STAT2: variants seen among roughly 807,000 people sequenced by gnomAD.
The protein encoded by STAT2 is interferon alpha induced transcriptional activator.
A neutral mutation model predicts 122.3 loss-of-function variants in STAT2; 51 were observed. The observed-to-expected ratio is 0.42, with a 90% CI of 0.33 to 0.53. The LOEUF (loss-of-function observed/expected upper bound fraction) is 0.53. STAT2 is among the 20% of genes least tolerant of loss of function. STAT2 has a pLI of 0.10. For missense variants in STAT2, 736 were observed against 1,010.3 expected, an observed-to-expected ratio of 0.73 and a Z score of 3.68; for synonymous variants, 351 against 394.9, an observed-to-expected ratio of 0.89 and a Z score of 1.32.
chr12:56,354,699 G>A (rs937025649), intron 7 of STAT2, 79 bp downstream of exon 7: 2 of 1,612,752 alleles, frequency 1.2e-6, no homozygotes, highest in Middle Eastern at 1.7e-4. Flanking sequence ...AAAGAAGCCA[G>A]CGCTAGAGGA....
intron 8 of STAT2, 109 bp from the exon 9 acceptor site, chr12:56,351,559 G>T: frequency 2.6e-6 from 3 of 1,171,826 alleles, no homozygotes; most frequent in South Asian, 1.6e-5. Flanking sequence ...TGACTGGGGG[G>T]AAGAAAAAAA....
At chr12:56,346,719 A>C (rs1877518700) in intron 20 of STAT2, 95 bp from the exon 21 acceptor site, 1 of 1,602,300 alleles carries the variant, frequency 6.2e-7, no homozygotes, top group Non-Finnish European at 8.5e-7. Context: ...CAGCTGAGGG[A>C]TTCAGTTCAG....
chr12:56,353,023 A>G (rs1018564958), intron 8 of STAT2, among the ~76,000 whole-genome samples: 1 of 148,186 alleles, frequency 6.7e-6, no homozygotes, highest in African/African-American at 2.5e-5. Flanking sequence ...TCGCTCTGTC[A>G]CCCAGGCTGG....
At position 56,349,034 on chromosome 12, in the gene STAT2, G is replaced by A. The variant is rs138681270; in HGVS notation, c.1466C>T (p.Pro489Leu). Reference sequence around the variant, plus strand: ...GCCCAGCAAGCTCCAGGGGGCCTTGGGGGGGTTGGAGAAGAACTGCTGGTT... The same window carrying A: ...GCCCAGCAAGCTCCAGGGGGCCTTGAGGGGGTTGGAGAAGAACTGCTGGTT... Reference protein sequence around the residue: ...LQNQQFFSNPPKAPWSLLGPA... With the variant: ...LQNQQFFSNPLKAPWSLLGPA... The change falls in exon 17 of 24, where the codon CCC (proline) becomes CTC (leucine). Residue 489 changes from proline to leucine, a missense_variant. Physicochemically the swap from Pro to Leu is moderately conservative, Grantham distance 98. Coordinates refer to ENST00000314128, the MANE Select transcript of STAT2 (RefSeq NM_005419.4). 1.9e-4 allele frequency: 311 copies of A among 1,613,662 alleles called. 1 individual carries two copies. The Middle Eastern group carries it at 5.9e-3, about 31-fold the overall frequency.
chr12:56,343,723 C>A, intron 23 of STAT2, 102 bp downstream of exon 23: 1 of 1,559,848 alleles, frequency 6.4e-7, no homozygotes, highest in South Asian at 1.2e-5. Context: ...GGACCTCTCT[C>A]CAATGAGGAG....
chr12:56,344,240 GC>G, intron 22 of STAT2, 105 bp from the exon 23 acceptor site: 9 of 1,425,330 alleles, frequency 6.3e-6, no homozygotes, highest in Non-Finnish European at 8.3e-6. Flanking sequence ...AGGGCGGAGG[GC>G]TAAAGAGCAT....
chr12:56,355,919 C>A, intron 3 of STAT2, 116 bp from the exon 4 acceptor site: 2 of 1,298,734 alleles, frequency 1.5e-6, no homozygotes, highest in Non-Finnish European at 2.2e-6. Flanking sequence ...GTTCTTAGCC[C>A]TTTGTCTTTT....
At position 56,343,944 on chromosome 12, in the gene STAT2, G is replaced by A; in HGVS notation, c.2294C>T (p.Pro765Leu). The change falls in exon 23 of 24, where the codon CCC becomes CTC. Residue 765 changes from proline (P) to leucine (L), a missense_variant. Transcript: ENST00000314128. ...TGTTTGTGATACCATGCATAGTGTG[G>A]GCTCTATCACAGGCTCCAGAGTGGA... Reference protein sequence around the residue: ...LESTLEPVIEPTLCMVSQTVP... With the variant: ...LESTLEPVIELTLCMVSQTVP... 1 of 1,614,076 alleles carries A rather than the reference G, an allele frequency of 6.2e-7. No individual in the cohort carries two copies. The highest frequency in any genetic ancestry group is 8.5e-7 in the Non-Finnish European group (1 of 1,180,022).
intron 8 of STAT2, among the ~76,000 whole-genome samples, chr12:56,353,995 CA>C (rs1187550270): frequency 0.017 from 213 of 12,768 alleles, 19 homozygotes; most frequent in East Asian, 0.1. Context: ...GACTCCGTCT[CA>C]AAAAAAAAAA....
In STAT2 at chr12:56,343,263, C is replaced by T. The variant is rs1876835816; in HGVS notation, c.*126G>A. On this transcript the variant is annotated 3_prime_UTR_variant, in exon 24 of 24. Coordinates refer to ENST00000314128, the MANE Select transcript of STAT2 (RefSeq NM_005419.4). ...CTCACCCCAATGGAGTCACACAGGCCTGAGTTTGAACAGTTAACACAGCTT... is the reference window on the plus strand; with the variant it reads ...CTCACCCCAATGGAGTCACACAGGCTTGAGTTTGAACAGTTAACACAGCTT... 1 of 1,362,966 alleles carries T rather than the reference C, an allele frequency of 7.3e-7. No homozygotes were observed. Among genetic ancestry groups the T allele is most frequent in the Admixed American group, 2.4e-5 (1 of 41,326 alleles). The allele number at this position is 1,362,966 out of a possible 1,614,324, so 84.4% of individuals were successfully genotyped here. A position where few individuals can be genotyped will look rare whatever the true frequency, so the allele number is the denominator to read the frequency against.
chr12:56,347,026 C>G lies in STAT2; in HGVS notation c.1725-71G>C. On this transcript the variant is annotated intron_variant, in intron 19 of 23. Coordinates refer to ENST00000314128, the MANE Select transcript of STAT2 (RefSeq NM_005419.4). ...CCACCAGGCCCCTGCCTCCCTGCTC[C>G]CCTTGTATGGAGAAACAGCCCAGGT... 2.5e-6 allele frequency: 4 copies of G among 1,579,058 alleles called. No homozygotes were observed. The South Asian group carries it at 4.6e-5, about 18-fold the overall frequency.
rs1555171512 is a variant in STAT2 at position 56,354,016 on chromosome 12, A to AATATATAT, written c.782+442_782+449dup. 1.7e-3 allele frequency among the ~76,000 whole-genome samples: 29 copies of AATATATAT among 16,690 alleles called. 1 individual carries two copies. The highest frequency in any genetic ancestry group is 3.4e-3 in the Non-Finnish European group (21 of 6,186). 10.9% of individuals were successfully genotyped at this position (16,690 alleles called of 152,430 possible). ...GTCTCAAAAAAAAAAAAAAAAAAAAAATATATATATATATATATATATATA... is the reference window on the plus strand; with the variant it reads ...GTCTCAAAAAAAAAAAAAAAAAAAAAATATATATATATATATATATATATATATATATA... On this transcript the variant is annotated intron_variant, in intron 8 of 23. Transcript: ENST00000314128.
chr12:56,346,992 C>G, intron 19 of STAT2, 37 bp from the exon 20 acceptor site: 1 of 1,604,894 alleles, frequency 6.2e-7, no homozygotes, highest in Non-Finnish European at 8.5e-7. Context: ...CACCGCCCAA[C>G]ACCCTGCCCC....
At position 56,349,039 on chromosome 12, in the gene STAT2, G is replaced by A. The variant is rs755874375; in HGVS notation, c.1461C>T (p.Asn487=). ...PNLQNQQFFS[N]PPKAPWSLLG... The stretch of plus-strand genomic sequence containing the variant: ...GCAAGCTCCAGGGGGCCTTGGGGGG[G>A]TTGGAGAAGAACTGCTGGTTCTGCA... The change falls in exon 17 of 24, where the codon AAC becomes AAT. Residue 487 remains asparagine, a synonymous_variant. Coordinates refer to ENST00000314128, the MANE Select transcript of STAT2 (RefSeq NM_005419.4). 1.3e-5 allele frequency: 21 copies of A among 1,613,458 alleles called. No homozygotes were observed. Among genetic ancestry groups the A allele is most frequent in the African/African-American group, 5.3e-5 (4 of 74,910 alleles).
Position 56,356,471 on chromosome 12 carries a change from T to C in STAT2, c.101A>G (p.Tyr34Cys), listed in dbSNP as rs1879531643. Residue 34 changes from tyrosine to cysteine, a missense_variant, in exon 2 of 24, where the codon TAC becomes TGC. Coordinates refer to ENST00000314128, the MANE Select transcript of STAT2 (RefSeq NM_005419.4). Reference protein sequence around the residue: ...HSLLPVDIRQYLAVWIEDQNW... With the variant: ...HSLLPVDIRQCLAVWIEDQNW... ...CTGGTCTTCAATCCAGACAGCCAAGTACTGTCGAATGTCCACAGGCAGGAG... is the reference window on the plus strand; with the variant it reads ...CTGGTCTTCAATCCAGACAGCCAAGCACTGTCGAATGTCCACAGGCAGGAG... The C allele has an allele frequency of 1.9e-6, 3 of 1,614,034 alleles. No individual in the cohort carries two copies. The highest frequency in any genetic ancestry group is 2.5e-6 in the Non-Finnish European group (3 of 1,180,056).
intron 21 of STAT2, 83 bp downstream of exon 21, chr12:56,346,359 C>G: frequency 6.3e-7 from 1 of 1,579,324 alleles, no homozygotes; most frequent in Non-Finnish European, 8.7e-7. Flanking sequence ...TCAGTTTTCC[C>G]ATGCTTTAAA....
rs577736039 is a variant in STAT2 at position 56,348,015 on chromosome 12, A to T, written c.1724+514T>A. Reference sequence around the variant, plus strand: ...GTTGTAAGGATGAGATGAGAGAATTAATGAAGAGCACCCATCAAGCTCTGG... The same window carrying T: ...GTTGTAAGGATGAGATGAGAGAATTTATGAAGAGCACCCATCAAGCTCTGG... On this transcript the variant is annotated intron_variant, in intron 19 of 23. Transcript: ENST00000314128. 2.2e-3 allele frequency among the ~76,000 whole-genome samples: 339 copies of T among 152,226 alleles called. 1 individual carries two copies. Among genetic ancestry groups the T allele is most frequent in the Non-Finnish European group, 3.5e-3 (235 of 68,020 alleles).
intron 8 of STAT2, among the ~76,000 whole-genome samples, chr12:56,354,016 A>AAAAAATATATATATATATATATAT (rs71081350): frequency 6.0e-5 from 1 of 16,696 alleles, no homozygotes; most frequent in Non-Finnish European, 1.6e-4. Flanking sequence ...AAAAAAAAAA[A>AAAAAATATATATATATATATATAT]ATATATATAT....
chr12:56,356,099 T>G, intron 3 of STAT2, 33 bp downstream of exon 3: 1 of 1,608,054 alleles, frequency 6.2e-7, no homozygotes, highest in Non-Finnish European at 8.5e-7. Context: ...CAGCTCCCAG[T>G]GCTACCCCAT....
Sources: allele counts gnomAD v4.1 joint callset (sites outside exome capture counted in the v4.1 genomes callset), GRCh38; gene constraint gnomAD v4.1.1; transcripts MANE v1.5; gene names NCBI Gene and HGNC (gene_info 2026-07-23, HGNC 2026-07-21).